The following NOX3 variants were observed in gnomAD, a reference collection of about 807,000 sequenced individuals.
NOX3 encodes the protein NADPH oxidase 3.
NOX3 carries 74 observed loss-of-function variants against 76.7 expected under a neutral mutation model. That is an observed-to-expected ratio of 0.96 (90% confidence interval 0.80 to 1.17). The LOEUF (loss-of-function observed/expected upper bound fraction) is 1.17, where lower values mean the gene tolerates loss of function less well. Ranked by LOEUF, NOX3 falls within the 50% of genes most tolerant of loss-of-function variation. NOX3 has a pLI of 0.00. For synonymous variants in NOX3, 263 were observed against 261.1 expected (o/e 1.01, Z -0.07); for missense variants, 695 against 703.3 (o/e 0.99, Z 0.13).
chr6:155,426,782 G>A (rs1279751662), intron 9 of NOX3, among the ~76,000 whole-genome samples: 4 of 152,194 alleles, frequency 2.6e-5, no homozygotes, highest in African/African-American at 9.7e-5. Context: ...CAGAAAGCAT[G>A]TCAGCTACTG....
intron 4 of NOX3, among the ~76,000 whole-genome samples, chr6:155,448,311 T>C (rs1045460384): frequency 6.6e-6 from 1 of 152,204 alleles, no homozygotes; most frequent in African/African-American, 2.4e-5. Context: ...CATGTTTTCA[T>C]GTTTCCAAAG....
chr6:155,409,549 ACT>A (rs1211482058), intron 11 of NOX3, among the ~76,000 whole-genome samples: 1 of 151,866 alleles, frequency 6.6e-6, no homozygotes, highest in Non-Finnish European at 1.5e-5. Flanking sequence ...TAGTCTCCAA[ACT>A]CTGTTGATTT....
At chr6:155,398,130 A>G (rs370037608) in intron 12 of NOX3, among the ~76,000 whole-genome samples, 3 of 152,326 alleles carry the variant, frequency 2.0e-5, no homozygotes, top group East Asian at 1.9e-4. Flanking sequence ...AATCTCTAGT[A>G]TAAGCTGAAT....
intron 10 of NOX3, among the ~76,000 whole-genome samples, chr6:155,420,415 C>T (rs1179963630): frequency 6.6e-6 from 1 of 152,174 alleles, no homozygotes; most frequent in Non-Finnish European, 1.5e-5. Context: ...CTTAGGGTGG[C>T]TGAAAAATCA....
intron 12 of NOX3, among the ~76,000 whole-genome samples, chr6:155,398,791 C>T (rs1179612979): frequency 6.6e-6 from 1 of 152,204 alleles, no homozygotes; most frequent in East Asian, 1.9e-4. Context: ...ATTACCTTCA[C>T]AAAGCCCCCA....
intron 11 of NOX3, 104 bp downstream of exon 11, chr6:155,411,110 T>C (rs1776543594): frequency 1.2e-6 from 1 of 828,170 alleles, no homozygotes; most frequent in African/African-American, 1.7e-5. Flanking sequence ...TAAAAATAAT[T>C]CTGTCATGCT....
intron 12 of NOX3, among the ~76,000 whole-genome samples, chr6:155,405,452 A>G (rs1776437261): frequency 6.6e-6 from 1 of 152,180 alleles, no homozygotes; most frequent in Non-Finnish European, 1.5e-5. Context: ...CATCTCATCC[A>G]GTTTCACGGC....
At chr6:155,455,668 T>C in intron 1 of NOX3, 85 bp downstream of exon 1, 12 of 1,027,162 alleles carry the variant, frequency 1.2e-5, no homozygotes, top group Non-Finnish European at 1.7e-5. Flanking sequence ...CTTCAAGCTA[T>C]TTAGCGTTCC....
chr6:155,404,255 T>C (rs1336409612), intron 12 of NOX3, among the ~76,000 whole-genome samples: 2 of 152,110 alleles, frequency 1.3e-5, no homozygotes, highest in African/African-American at 4.8e-5. Context: ...TGATCTCGTC[T>C]CTCCTCTGGG....
At chr6:155,445,878 A>AT (rs1309184174) in intron 4 of NOX3, among the ~76,000 whole-genome samples, 2 of 123,548 alleles carry the variant, frequency 1.6e-5, no homozygotes, top group Non-Finnish European at 3.3e-5. Context: ...ACATATATAT[A>AT]TATATATGCT....
intron 4 of NOX3, among the ~76,000 whole-genome samples, chr6:155,452,671 A>T (rs1251189714): frequency 6.6e-6 from 1 of 152,154 alleles, no homozygotes; most frequent in East Asian, 1.9e-4. Flanking sequence ...ATAAAAACAA[A>T]TGAGGAAAAC....
intron 5 of NOX3, among the ~76,000 whole-genome samples, chr6:155,441,067 T>C (rs1434814527): frequency 6.6e-6 from 1 of 152,242 alleles, no homozygotes; most frequent in Non-Finnish European, 1.5e-5. Flanking sequence ...ACGGCCAGAA[T>C]TCTGACCTGT....
chr6:155,438,915 G>T (rs1776945362), intron 6 of NOX3, among the ~76,000 whole-genome samples: 1 of 152,196 alleles, frequency 6.6e-6, no homozygotes, highest in East Asian at 1.9e-4. Context: ...AACATTGCTG[G>T]CCACATTCTT....
chr6:155,420,165 G>A (rs1776671199), intron 10 of NOX3, among the ~76,000 whole-genome samples: 1 of 152,198 alleles, frequency 6.6e-6, no homozygotes, highest in African/African-American at 2.4e-5. Context: ...AAGGAGTGGT[G>A]GAGGTTAAGA....
At chr6:155,400,761 A>G (rs1779211971) in intron 12 of NOX3, among the ~76,000 whole-genome samples, 1 of 151,574 alleles carries the variant, frequency 6.6e-6, no homozygotes, top group African/African-American at 2.4e-5. Flanking sequence ...AACCAGGCTC[A>G]CTGTTGTGAT....
At chr6:155,444,083 C>A (rs1270782983) in intron 4 of NOX3, among the ~76,000 whole-genome samples, 2 of 152,020 alleles carry the variant, frequency 1.3e-5, no homozygotes, top group African/African-American at 4.8e-5. Flanking sequence ...TGATAGATAC[C>A]AGGAGAGATA....
intron 7 of NOX3, among the ~76,000 whole-genome samples, chr6:155,433,790 A>G (rs1776866084): frequency 6.6e-6 from 1 of 152,218 alleles, no homozygotes; most frequent in South Asian, 2.1e-4. Flanking sequence ...TTTTGTGACC[A>G]TGGGTAAGAC....
At chr6:155,406,902 G>A (rs1441448992) in intron 12 of NOX3, among the ~76,000 whole-genome samples, 1 of 152,198 alleles carries the variant, frequency 6.6e-6, no homozygotes, top group Admixed American at 6.5e-5. Context: ...ATCTTTAAAT[G>A]GAGGTTAAGT....
intron 9 of NOX3, among the ~76,000 whole-genome samples, chr6:155,426,985 G>GTGTGCA (rs1776763414): frequency 3.4e-5 from 1 of 29,136 alleles, no homozygotes; most frequent in Non-Finnish European, 6.6e-5. Context: ...ACACTGTGGC[G>GTGTGCA]TGTGTGTGTG....
Sources: gnomAD v4.1 joint callset for allele counts (sites outside exome capture counted in the v4.1 genomes callset) on GRCh38, gnomAD v4.1.1 for gene constraint, MANE v1.5 for transcripts, NCBI Gene and HGNC (gene_info 2026-07-23, HGNC 2026-07-21) for gene names.